ARMH1: variants seen among roughly 807,000 people sequenced by gnomAD.
ARMH1 encodes the protein armadillo-like helical domain containing protein 1.
Under a neutral mutation model 50.2 loss-of-function variants are expected in ARMH1, and 34 were observed. That is an observed-to-expected ratio of 0.68 (90% CI 0.51 to 0.90). The LOEUF (loss-of-function observed/expected upper bound fraction) is 0.90. Ranked by LOEUF, ARMH1 falls within the 40% of genes least tolerant of loss-of-function variation. The pLI is 0.00. For synonymous variants in ARMH1, 221 were observed against 224.2 expected, an observed-to-expected ratio of 0.99 and a Z score of 0.13; for missense variants, 538 against 553.9, an observed-to-expected ratio of 0.97 and a Z score of 0.29.
Position 44,724,997 on chromosome 1 carries a change from C to T in ARMH1, c.1129-139C>T. On this transcript the variant is annotated intron_variant, in intron 10 of 11. Transcript: ENST00000535358. The surrounding 1 kb of genome is among the most constrained non-coding windows in gnomAD (Gnocchi z 6.4). Reference sequence around the variant, plus strand: ...GCTCTGGCGTAGGCTCCTCCACCCGCCACCTTCCTGTTCCCTTTCCTGCCC... The same window carrying T: ...GCTCTGGCGTAGGCTCCTCCACCCGTCACCTTCCTGTTCCCTTTCCTGCCC... 2.0e-6 allele frequency: 3 copies of T among 1,504,960 alleles called. No individual in the cohort carries two copies. The highest frequency in any genetic ancestry group is 2.7e-6 in the Non-Finnish European group (3 of 1,123,738). The allele number at this position is 1,504,960 out of a possible 1,614,324, so 93.2% of individuals were successfully genotyped here. A position where few individuals can be genotyped will look rare whatever the true frequency, so the allele number is the denominator to read the frequency against.
Position 44,724,466 on chromosome 1 carries a change from CGTGCGCCGGGTGGGCGGGGGT to C in ARMH1, c.921-60_921-40del, listed in dbSNP as rs1484385207. ...CTGCCGGCGGGCCCCGGGAGCGCTCCGTGCGCCGGGTGGGCGGGGGTGTGCGCCGGGTGAGCCCCAGGGCGT... is the reference window on the plus strand; with the variant it reads ...CTGCCGGCGGGCCCCGGGAGCGCTCCGTGCGCCGGGTGAGCCCCAGGGCGT... On this transcript the variant is annotated intron_variant, in intron 8 of 11. Coordinates refer to ENST00000535358, the MANE Select transcript of ARMH1 (RefSeq NM_001145636.2). The surrounding 1 kb of genome is among the most constrained non-coding windows in gnomAD (Gnocchi z 6.4). 8.2e-5 allele frequency: 124 copies of C among 1,521,080 alleles called. 1 individual carries two copies. The Middle Eastern group carries it at 9.3e-4, about 11-fold the overall frequency. 94.2% of individuals were successfully genotyped at this position (1,521,080 alleles called of 1,614,324 possible).
intron 2 of ARMH1, among the ~76,000 whole-genome samples, chr1:44,691,242 A>G (rs186534240): frequency 6.6e-6 from 1 of 152,136 alleles, no homozygotes; most frequent in African/African-American, 2.4e-5. Context: ...TGGGCCACAG[A>G]GACAGACTCC....
intron 1 of ARMH1, among the ~76,000 whole-genome samples, chr1:44,680,587 T>C (rs1291032577): frequency 1.3e-5 from 2 of 152,190 alleles, no homozygotes; most frequent in African/African-American, 2.4e-5. Context: ...GGGTAGAAGC[T>C]TACGGAAAAA....
At chr1:44,709,484 A>T (rs563059632) in intron 6 of ARMH1, among the ~76,000 whole-genome samples, 1 of 152,172 alleles carries the variant, frequency 6.6e-6, no homozygotes, top group Non-Finnish European at 1.5e-5. Flanking sequence ...CATCCTGGCT[A>T]ACACGGTGAA....
At position 44,681,871 on chromosome 1, in the gene ARMH1, G is replaced by A. The variant is rs527603525; in HGVS notation, c.-23+6998G>A. ...GGTGTGGGTTTTGGGTATGAAAGCT[G>A]TGTTGGTTGGAGGTGAAAGCGGGAG... On this transcript the variant is annotated intron_variant, in intron 1 of 11. Transcript: ENST00000535358. The surrounding 1 kb of genome is among the most constrained non-coding windows in gnomAD (Gnocchi z 4.3). Among the ~76,000 whole-genome samples the A allele has an allele frequency of 1.9e-3, 293 of 152,320 alleles. 4 individuals carry two copies. The highest frequency in any genetic ancestry group is 6.5e-3 in the African/African-American group (269 of 41,566).
intron 6 of ARMH1, among the ~76,000 whole-genome samples, chr1:44,712,845 G>A (rs1646677262): frequency 6.6e-6 from 1 of 151,702 alleles, no homozygotes; most frequent in South Asian, 2.1e-4. Flanking sequence ...TATAACTTCA[G>A]TAGAGACAGG....
Position 44,682,832 on chromosome 1 carries a change from C to G in ARMH1, c.-22-6844C>G, listed in dbSNP as rs1015748851. Among the ~76,000 whole-genome samples, 26 of 152,142 alleles carry G rather than the reference C, an allele frequency of 1.7e-4. No individual in the cohort carries two copies. Among genetic ancestry groups the G allele is most frequent in the African/African-American group, 5.6e-4 (23 of 41,410 alleles). ...GCATGCACCTGTAGTCCCAGCTACT[C>G]AGGAGGCTGAGGTGGGAGGATCACT... On this transcript the variant is annotated intron_variant, in intron 1 of 11. Coordinates refer to ENST00000535358, the MANE Select transcript of ARMH1 (RefSeq NM_001145636.2). The surrounding 1 kb of genome is among the most constrained non-coding windows in gnomAD (Gnocchi z 4.5).
At chr1:44,716,145 ATT>A (rs67697786) in intron 6 of ARMH1, among the ~76,000 whole-genome samples, 1 of 147,788 alleles carries the variant, frequency 6.8e-6, no homozygotes, top group Non-Finnish European at 1.5e-5. Flanking sequence ...CTAGGTGTCA[ATT>A]TTTTTTTTTC....
At chr1:44,709,910 T>C (rs1646526094) in intron 6 of ARMH1, among the ~76,000 whole-genome samples, 1 of 152,182 alleles carries the variant, frequency 6.6e-6, no homozygotes, top group African/African-American at 2.4e-5. Context: ...GAACTGTTTA[T>C]GAATTTGGAA....
intron 6 of ARMH1, among the ~76,000 whole-genome samples, chr1:44,706,109 T>C (rs995148146): frequency 5.3e-5 from 8 of 152,104 alleles, no homozygotes; most frequent in Non-Finnish European, 1.2e-4. Flanking sequence ...CGCTGAAAAG[T>C]GAGCTGTGCA....
At chr1:44,722,302 C>T (rs555220666) in intron 6 of ARMH1, among the ~76,000 whole-genome samples, 1 of 152,190 alleles carries the variant, frequency 6.6e-6, no homozygotes, top group East Asian at 1.9e-4. Context: ...ACCTGTAATC[C>T]CTGCACTTAA....
chr1:44,707,938 C>T (rs1172201209), intron 6 of ARMH1, among the ~76,000 whole-genome samples: 1 of 152,158 alleles, frequency 6.6e-6, no homozygotes, highest in Non-Finnish European at 1.5e-5. Context: ...TTCAGATATA[C>T]CAGACTCATA....
rs899614576 is a variant in ARMH1, at chr1:44,711,442, G to A, written c.724+7269G>A. 3.9e-5 allele frequency among the ~76,000 whole-genome samples: 6 copies of A among 152,290 alleles called. No homozygotes were observed. In the Middle Eastern group the frequency reaches 0.014, roughly 345 times the overall value. On this transcript the variant is annotated intron_variant, in intron 6 of 11. Transcript: ENST00000535358. ...ATGAATAAGGATGTTGAACATAGAC[G>A]TGTTTCATAGACTTGTTGTCCATTT...
chr1:44,720,733 CCAGATAAAGAAGACTTCT>C, intron 6 of ARMH1, among the ~76,000 whole-genome samples: 1 of 152,040 alleles, frequency 6.6e-6, no homozygotes, highest in African/African-American at 2.4e-5. Flanking sequence ...GTAGCAATAG[CCAGATAAAGAAGACTTCT>C]CAGGCCGGGC....
At position 44,689,879 on chromosome 1, in the gene ARMH1, G is replaced by C; in HGVS notation, c.182G>C (p.Arg61Pro). Reference protein sequence around the residue: ...FSQGASLFLVRLTTSLRITYM... With the variant: ...FSQGASLFLVPLTTSLRITYM... ...CAGGGAGCCAGTTTGTTCCTGGTAC[G>C]CTTGACCACCTCGCTTAGAATCACG... The change falls in exon 2 of 12, where the codon CGC (arginine) becomes CCC (proline). Residue 61 changes from arginine (R) to proline (P), a missense_variant. Coordinates refer to ENST00000535358, the MANE Select transcript of ARMH1 (RefSeq NM_001145636.2). 6.4e-7 allele frequency: 1 copy of C among 1,550,744 alleles called. No homozygotes were observed. The highest frequency in any genetic ancestry group is 8.7e-7 in the Non-Finnish European group (1 of 1,146,936).
chr1:44,713,796 G>A (rs1248439709), intron 6 of ARMH1, among the ~76,000 whole-genome samples: 4 of 152,210 alleles, frequency 2.6e-5, no homozygotes, highest in Non-Finnish European at 1.5e-5. Flanking sequence ...ATCAGTACAC[G>A]GACTGGTTGG....
chr1:44,724,380 C>T lies in ARMH1; in HGVS notation c.908C>T (p.Ala303Val). The T allele has an allele frequency of 6.4e-7, 1 of 1,550,616 alleles. No individual in the cohort carries two copies. The highest frequency in any genetic ancestry group is 8.7e-7 in the Non-Finnish European group (1 of 1,146,910). The part of the protein sequence containing the change: ...LPMFLQQAAA[A>V]KAIGVLARND... The stretch of plus-strand genomic sequence containing the variant: ...ATGTTTTTGCAGCAGGCCGCGGCCG[C>T]CAAGGCCATCGGGTAAGCGGGCAGG... The change falls in exon 8 of 12, where the codon GCC becomes GTC. Residue 303 changes from alanine (A) to valine (V), a missense_variant. Ala to Val is a moderately conservative substitution (Grantham distance 64). Coordinates refer to ENST00000535358, the MANE Select transcript of ARMH1 (RefSeq NM_001145636.2). This position sits in a 1 kb window ranked among gnomAD's most constrained non-coding sequence, Gnocchi z 6.4.
intron 1 of ARMH1, among the ~76,000 whole-genome samples, chr1:44,685,159 TAA>T (rs1645427557): frequency 6.6e-6 from 1 of 152,002 alleles, no homozygotes; most frequent in Non-Finnish European, 1.5e-5. Flanking sequence ...TATAGTAAAT[TAA>T]AAAAGACCTT....
intron 1 of ARMH1, among the ~76,000 whole-genome samples, chr1:44,676,114 A>C (rs142074170): frequency 0.017 from 2,559 of 152,302 alleles, 36 homozygotes; most frequent in Non-Finnish European, 0.025. Context: ...TTCCTTAGAC[A>C]CTTATAGCTA....
Sources: gnomAD v4.1 joint callset for allele counts (sites outside exome capture counted in the v4.1 genomes callset) on GRCh38, gnomAD v4.1.1 for gene constraint, Gnocchi (gnomAD v3.1) non-coding constraint, MANE v1.5 for transcripts, NCBI Gene and HGNC (gene_info 2026-07-23, HGNC 2026-07-21) for gene names.